The following ABCF3 variants were observed in gnomAD, a reference collection of about 807,000 sequenced individuals.
ABCF3 encodes ATP-binding cassette sub-family F member 3.
In ABCF3, 62 loss-of-function variants were observed where a neutral mutation model predicts 94.3. That is an observed-to-expected ratio of 0.66 (90% confidence interval 0.54 to 0.81). The LOEUF is 0.81. Among genes scored for constraint, ABCF3 ranks in the 40% least tolerant of loss-of-function variants. ABCF3 has a pLI of 0.00. For missense variants in ABCF3, 843 were observed against 925.3 expected (o/e 0.91, Z 1.15); for synonymous variants, 355 against 361.1 (o/e 0.98, Z 0.19).
Position 184,193,806 on chromosome 3 carries a change from G to A in ABCF3, c.*108G>A. 1 of 1,280,970 alleles carries A rather than the reference G, an allele frequency of 7.8e-7. No individual in the cohort carries two copies. Among genetic ancestry groups the A allele is most frequent in the Non-Finnish European group, 1.1e-6 (1 of 944,448 alleles). The allele number at this position is 1,280,970 out of a possible 1,614,324, so 79.4% of individuals were successfully genotyped here. Reference sequence around the variant, plus strand: ...GTGGACTTCCCCCAACTTGGGGACAGCCTTATTCCCAAATGTCTCTATCCT... The same window carrying A: ...GTGGACTTCCCCCAACTTGGGGACAACCTTATTCCCAAATGTCTCTATCCT... On this transcript the variant is annotated 3_prime_UTR_variant, in exon 21 of 21. Coordinates refer to ENST00000429586, the MANE Select transcript of ABCF3 (RefSeq NM_018358.3). This position sits in a 1 kb window ranked among gnomAD's most constrained non-coding sequence, Gnocchi z 5.2.
intron 13 of ABCF3, 24 bp downstream of exon 13, chr3:184,189,781 G>C: frequency 6.2e-7 from 1 of 1,613,936 alleles, no homozygotes; most frequent in South Asian, 1.1e-5. Context: ...CAGGGCTGGG[G>C]GTCCCATCCC....
At position 184,187,958 on chromosome 3, in the gene ABCF3, A is replaced by T; in HGVS notation, c.544A>T (p.Asn182Tyr). ...KNKSYDVRIENFDVSFGDRVL... is the reference protein window; with the variant it reads ...KNKSYDVRIEYFDVSFGDRVL... The stretch of plus-strand genomic sequence containing the variant: ...CAAATCCTATGATGTGCGAATTGAG[A>T]ACTTTGATGTGTCTTTTGGCGATAG... The change falls in exon 6 of 21, where the codon AAC becomes TAC. Residue 182 changes from asparagine (N) to tyrosine (Y), a missense_variant. Transcript: ENST00000429586. The T allele has an allele frequency of 6.2e-7, 1 of 1,614,000 alleles. No individual in the cohort carries two copies. Among genetic ancestry groups the T allele is most frequent in the Non-Finnish European group, 8.5e-7 (1 of 1,180,032 alleles).
chr3:184,193,718 C>A lies in ABCF3; in HGVS notation c.*20C>A. 1.9e-6 allele frequency: 3 copies of A among 1,582,846 alleles called. No individual in the cohort carries two copies. Among genetic ancestry groups the A allele is most frequent in the Non-Finnish European group, 1.7e-6 (2 of 1,163,774 alleles). ...CTCTAGGGCCACCAGGCTGAGGACT[C>A]GCCCAGGACATGGACTGGTCTCTCA... is the stretch of plus-strand genomic sequence containing the variant. On this transcript the variant is annotated 3_prime_UTR_variant, in exon 21 of 21. Transcript: ENST00000429586. The surrounding 1 kb of genome is among the most constrained non-coding windows in gnomAD (Gnocchi z 5.2).
intron 3 of ABCF3, 98 bp from the exon 4 acceptor site, chr3:184,187,299 G>A (rs1437849206): frequency 7.1e-7 from 1 of 1,402,458 alleles, no homozygotes; most frequent in African/African-American, 1.4e-5. Flanking sequence ...AGGTTTTGTA[G>A]AAAACATCTG....
intron 16 of ABCF3, among the ~76,000 whole-genome samples, chr3:184,192,317 A>G (rs555608056): frequency 5.9e-5 from 9 of 152,314 alleles, no homozygotes; most frequent in Admixed American, 2.6e-4. Context: ...TTGAAAATGT[A>G]CAGTCTATCA....
chr3:184,190,998 G>T lies in ABCF3; in HGVS notation c.1392-1G>T. The T allele has an allele frequency of 6.2e-7, 1 of 1,613,952 alleles. No individual in the cohort carries two copies. The highest frequency in any genetic ancestry group is 8.5e-7 in the Non-Finnish European group (1 of 1,180,012). ...CTAGTCTACCTCATCTCTTCTCCCAGGCCTGAGCTGAAGCCTGTGGACAAG... is the reference window on the plus strand; with the variant it reads ...CTAGTCTACCTCATCTCTTCTCCCATGCCTGAGCTGAAGCCTGTGGACAAG... On this transcript the variant is annotated splice_acceptor_variant, in intron 14 of 20. Coordinates refer to ENST00000429586, the MANE Select transcript of ABCF3 (RefSeq NM_018358.3). LOFTEE classifies it high-confidence loss of function.
In ABCF3 at chr3:184,186,532, C is replaced by T. The variant is rs757916333; in HGVS notation, c.99C>T (p.Asp33=). ...VTGVLHSGSA[D]FESVDDLVEA... ...GCGTCTTGCACAGCGGCAGCGCGGA[C>T]TTCGAGTCTGTGGATGACCTGGTGG... Residue 33 remains aspartate, a synonymous_variant, in exon 2 of 21, where the codon GAC becomes GAT. Transcript: ENST00000429586. 1.2e-5 allele frequency: 19 copies of T among 1,613,120 alleles called. No individual in the cohort carries two copies. Among genetic ancestry groups the T allele is most frequent in the Non-Finnish European group, 1.4e-5 (17 of 1,179,542 alleles).
At position 184,186,269 on chromosome 3, in the gene ABCF3, A is replaced by G. The variant is rs1332554195; in HGVS notation, c.62A>G (p.Asp21Gly). The G allele has an allele frequency of 5.6e-6, 9 of 1,614,104 alleles. No homozygotes were observed. The highest frequency in any genetic ancestry group is 7.6e-6 in the Non-Finnish European group (9 of 1,180,038). The change falls in exon 1 of 21, where the codon GAC becomes GGC. Residue 21 changes from aspartate to glycine, a missense_variant. By Grantham distance (94) the Asp-to-Gly change is moderately conservative. Transcript: ENST00000429586. ...CCCGAAATTGACGGACAAGTCTTCG[A>G]CTACGTGACCGGTAAGCAGAACTGA... ...EFPEIDGQVF[D>G]YVTGVLHSGS...
chr3:184,186,794 A>G lies in ABCF3; in HGVS notation c.222-2A>G. ...CTGCGCTTTCTATCCCTACCCACAT[A>G]GGGCTGAGCCACAAAGCCAGGGAAA... is the stretch of plus-strand genomic sequence containing the variant. On this transcript the variant is annotated splice_acceptor_variant, in intron 2 of 20. Coordinates refer to ENST00000429586, the MANE Select transcript of ABCF3 (RefSeq NM_018358.3). LOFTEE classifies it high-confidence loss of function. 2.5e-6 allele frequency: 4 copies of G among 1,613,402 alleles called. No individual in the cohort carries two copies. Among genetic ancestry groups the G allele is most frequent in the Non-Finnish European group, 3.4e-6 (4 of 1,179,664 alleles).
intron 1 of ABCF3, 55 bp downstream of exon 1, chr3:184,186,335 G>A (rs1715614703): frequency 6.2e-7 from 1 of 1,610,850 alleles, no homozygotes; most frequent in East Asian, 2.2e-5. Context: ...CCGGGGGAAA[G>A]TCTAAGCGAG....
intron 1 of ABCF3, 63 bp from the exon 2 acceptor site, chr3:184,186,444 T>G: frequency 1.3e-6 from 2 of 1,581,336 alleles, no homozygotes; most frequent in East Asian, 4.5e-5. Flanking sequence ...CTGTCTGGGG[T>G]CTGAAACTGC....
Position 184,187,438 on chromosome 3 carries a change from T to C in ABCF3, c.343T>C (p.Ser115Pro). 6.2e-7 allele frequency: 1 copy of C among 1,613,524 alleles called. No individual in the cohort carries two copies. The highest frequency in any genetic ancestry group is 1.7e-5 in the Admixed American group (1 of 60,004). The change falls in exon 4 of 21, where the codon TCC becomes CCC. Residue 115 changes from serine (S) to proline (P), a missense_variant. Coordinates refer to ENST00000429586, the MANE Select transcript of ABCF3 (RefSeq NM_018358.3). Reference protein sequence around the residue: ...KLPGLLKREQSSTVNAKKLEK... With the variant: ...KLPGLLKREQPSTVNAKKLEK... Reference sequence around the variant, plus strand: ...TCCAGGACTGCTAAAGAGGGAACAGTCCTCGGTGAGGAGGAGGAAGCAAGG... The same window carrying C: ...TCCAGGACTGCTAAAGAGGGAACAGCCCTCGGTGAGGAGGAGGAAGCAAGG...
intron 9 of ABCF3, 43 bp downstream of exon 9, chr3:184,189,031 C>G (rs761914142): frequency 1.2e-6 from 2 of 1,614,236 alleles, no homozygotes; most frequent in Non-Finnish European, 1.7e-6. Context: ...CCTGTTGTCT[C>G]AGCCCCTTCC....
chr3:184,186,561 C>T lies in ABCF3; in HGVS notation c.128C>T (p.Ala43Val), dbSNP rs1452745146. Residue 43 changes from alanine to valine, a missense_variant, in exon 2 of 21, where the codon GCT (alanine) becomes GTT (valine). Ala to Val is a moderately conservative substitution (Grantham distance 64). Coordinates refer to ENST00000429586, the MANE Select transcript of ABCF3 (RefSeq NM_018358.3). ...GAGTCTGTGGATGACCTGGTGGAAG[C>T]TGTAGGGGAACTATTGCAAGAGGTG... is the stretch of plus-strand genomic sequence containing the variant. ...DFESVDDLVE[A>V]VGELLQEVSG... 1.2e-6 allele frequency: 2 copies of T among 1,613,912 alleles called. No homozygotes were observed. Among genetic ancestry groups the T allele is most frequent in the African/African-American group, 2.7e-5 (2 of 74,924 alleles).
intron 3 of ABCF3, 47 bp from the exon 4 acceptor site, chr3:184,187,350 T>C: frequency 6.2e-7 from 1 of 1,612,604 alleles, no homozygotes; most frequent in Non-Finnish European, 8.5e-7. Context: ...AAATGTTAGT[T>C]TCCCTTCCCT....
rs1241668206 is a variant in ABCF3 at position 184,186,279 on chromosome 3, C to A, written c.72C>A (p.Thr24=). The change falls in exon 1 of 21, where the codon ACC becomes ACA. Residue 24 remains threonine (T), a splice_region_variant and synonymous_variant. Transcript: ENST00000429586. The part of the protein sequence containing the change: ...EIDGQVFDYV[T]GVLHSGSADF... ...ACGGACAAGTCTTCGACTACGTGAC[C>A]GGTAAGCAGAACTGAATCGGCCGGC... 6.2e-7 allele frequency: 1 copy of A among 1,614,192 alleles called. No homozygotes were observed. Among genetic ancestry groups the A allele is most frequent in the South Asian group, 1.1e-5 (1 of 91,084 alleles).
intron 16 of ABCF3, among the ~76,000 whole-genome samples, chr3:184,191,911 AT>A (rs1213714781): frequency 1.3e-5 from 2 of 151,542 alleles, no homozygotes; most frequent in Non-Finnish European, 2.9e-5. Flanking sequence ...TGCCCAGCTA[AT>A]TTTTTGCATT....
In ABCF3 at chr3:184,186,879, A is replaced by C; in HGVS notation, c.301+4A>C. ...TCAAAGATAACGGAGAACTACGGTG[A>C]GAGTGAGGGGAGGTTGAACTAACTG... On this transcript the variant is annotated splice_donor_region_variant and intron_variant, in intron 3 of 20. Transcript: ENST00000429586. The C allele has an allele frequency of 6.2e-7, 1 of 1,613,034 alleles. No homozygotes were observed. Among genetic ancestry groups the C allele is most frequent in the South Asian group, 1.1e-5 (1 of 90,902 alleles).
Position 184,193,083 on chromosome 3 carries a change from C to G in ABCF3, c.1751-19C>G, listed in dbSNP as rs1472537024. ...GTGTTGGGCCAAGAAGCCACCTGAT[C>G]TGGGGAGTCCTTTTCCAGGGCGGCC... On this transcript the variant is annotated intron_variant, in intron 18 of 20. Coordinates refer to ENST00000429586, the MANE Select transcript of ABCF3 (RefSeq NM_018358.3). This position sits in a 1 kb window ranked among gnomAD's most constrained non-coding sequence, Gnocchi z 5.2. The G allele has an allele frequency of 2.6e-6, 4 of 1,535,362 alleles. No homozygotes were observed. The highest frequency in any genetic ancestry group is 8.8e-7 in the Non-Finnish European group (1 of 1,142,578).
Sources: allele counts gnomAD v4.1 joint callset (sites outside exome capture counted in the v4.1 genomes callset), GRCh38; gene constraint gnomAD v4.1.1; non-coding constraint Gnocchi (gnomAD v3.1); transcripts MANE v1.5; gene names NCBI Gene and HGNC (gene_info 2026-07-23, HGNC 2026-07-21).